SLC35F4: variants seen among roughly 807,000 people sequenced by gnomAD.
SLC35F4 encodes the protein solute carrier family 35 member F4, also known as chromosome 14 open reading frame 36.
SLC35F4 carries 24 observed loss-of-function variants against 44.2 expected under a neutral mutation model. The observed-to-expected ratio is 0.54, with a 90% CI of 0.39 to 0.76. The LOEUF is 0.76. SLC35F4 is among the 30% of genes least tolerant of loss of function. The pLI, the probability that SLC35F4 is intolerant of heterozygous loss-of-function variation, is 0.00. For synonymous variants in SLC35F4, 238 were observed against 223.6 expected, an observed-to-expected ratio of 1.06 and a Z score of -0.57; for missense variants, 562 against 586.1, an observed-to-expected ratio of 0.96 and a Z score of 0.42.
chr14:57,875,363 T>C (rs777019318), intron 1 of SLC35F4, among the ~76,000 whole-genome samples: 2 of 152,200 alleles, frequency 1.3e-5, no homozygotes, highest in Non-Finnish European at 2.9e-5. Context: ...AACGTCAAAA[T>C]AGTAGTGTTA....
chr14:57,864,805 G>A (rs946690811), intron 1 of SLC35F4, among the ~76,000 whole-genome samples: 21 of 152,126 alleles, frequency 1.4e-4, no homozygotes, highest in African/African-American at 4.6e-4. Context: ...AAACTAAACC[G>A]CAGCTACTCC....
chr14:57,693,647 G>T (rs138819418), intron 1 of SLC35F4, among the ~76,000 whole-genome samples: 1 of 152,174 alleles, frequency 6.6e-6, no homozygotes, highest in South Asian at 2.1e-4. Context: ...CAATAAATAC[G>T]TGGGCAAATC....
chr14:57,648,810 C>T (rs1292820002), intron 1 of SLC35F4, among the ~76,000 whole-genome samples: 1 of 152,218 alleles, frequency 6.6e-6, no homozygotes, highest in Non-Finnish European at 1.5e-5. Flanking sequence ...CTCACATTAG[C>T]TGTCAGATAA....
intron 1 of SLC35F4, among the ~76,000 whole-genome samples, chr14:57,964,123 G>A (rs1890390234): frequency 6.6e-6 from 1 of 152,114 alleles, no homozygotes; most frequent in African/African-American, 2.4e-5. Flanking sequence ...TTTACTCAGA[G>A]GATAAATCAC....
At chr14:57,883,176 C>A (rs567678613) in intron 1 of SLC35F4, among the ~76,000 whole-genome samples, 1 of 152,092 alleles carries the variant, frequency 6.6e-6, no homozygotes, top group African/African-American at 2.4e-5. Flanking sequence ...ATAGATGAGG[C>A]CAACCCCCCA....
At position 57,611,778 on chromosome 14, in the gene SLC35F4, G is replaced by C. The variant is rs554211498; in HGVS notation, c.104-17654C>G. ...AAGAGGAATGGAGGCAGGGGTTTGA[G>C]AAACTGAAAGGTAGATAACATCAAA... is the stretch of plus-strand genomic sequence containing the variant. On this transcript the variant is annotated intron_variant, in intron 1 of 7. Coordinates refer to ENST00000556826, the MANE Select transcript of SLC35F4 (RefSeq NM_001306087.2). 1.8e-3 allele frequency among the ~76,000 whole-genome samples: 268 copies of C among 152,230 alleles called. 6 individuals are homozygous for C. In the South Asian group the frequency reaches 0.054, roughly 31 times the overall value.
intron 1 of SLC35F4, among the ~76,000 whole-genome samples, chr14:57,642,030 C>G (rs529351687): frequency 6.6e-6 from 1 of 152,092 alleles, no homozygotes; most frequent in South Asian, 2.1e-4. Context: ...AATACATACT[C>G]TTATTTCTAG....
intron 1 of SLC35F4, among the ~76,000 whole-genome samples, chr14:57,882,194 G>T (rs1595266019): frequency 6.6e-6 from 1 of 152,212 alleles, no homozygotes; most frequent in South Asian, 2.1e-4. Context: ...CTTCCCCCTG[G>T]AGAAACTACA....
At chr14:57,933,542 A>C (rs1889740264) in intron 1 of SLC35F4, among the ~76,000 whole-genome samples, 1 of 152,192 alleles carries the variant, frequency 6.6e-6, no homozygotes, top group African/African-American at 2.4e-5. Context: ...AAGAGGAAAT[A>C]AGAGGACAAA....
intron 1 of SLC35F4, among the ~76,000 whole-genome samples, chr14:57,947,255 T>TG (rs1372751603): frequency 6.6e-6 from 1 of 151,578 alleles, no homozygotes; most frequent in Non-Finnish European, 1.5e-5. Context: ...TTTTTTGTTT[T>TG]TTTTTTTTTG....
chr14:57,697,343 A>G (rs960389479), intron 1 of SLC35F4, among the ~76,000 whole-genome samples: 3 of 152,110 alleles, frequency 2.0e-5, no homozygotes, highest in Admixed American at 1.3e-4. Context: ...ATAATTTTAA[A>G]CAAATTTTTA....
At chr14:57,975,453 A>T (rs1344193110), downstream of SLC35F4, among the ~76,000 whole-genome samples, 3 of 152,176 alleles carry the variant, frequency 2.0e-5, no homozygotes, top group Admixed American at 2.0e-4. Flanking sequence ...AGCTCACACA[A>T]TGCTTTTGTA....
chr14:57,673,563 T>G (rs919723406), intron 1 of SLC35F4, among the ~76,000 whole-genome samples: 5 of 151,994 alleles, frequency 3.3e-5, no homozygotes, highest in African/African-American at 1.2e-4. Context: ...AGAAACTGCC[T>G]CATCAGGGCA....
At chr14:57,746,941 C>A (rs934623147) in intron 1 of SLC35F4, among the ~76,000 whole-genome samples, 1 of 152,134 alleles carries the variant, frequency 6.6e-6, no homozygotes, top group Non-Finnish European at 1.5e-5. Flanking sequence ...TGGCCATCTA[C>A]CTGCCATCTC....
At chr14:57,831,743 T>A (rs1313123134) in intron 1 of SLC35F4, among the ~76,000 whole-genome samples, 5 of 152,128 alleles carry the variant, frequency 3.3e-5, no homozygotes, top group African/African-American at 1.2e-4. Context: ...TATTTGTGGG[T>A]CCAATAACAC....
At chr14:57,862,071 A>AC (rs977690530) in intron 1 of SLC35F4, among the ~76,000 whole-genome samples, 3 of 150,852 alleles carry the variant, frequency 2.0e-5, no homozygotes, top group Non-Finnish European at 4.4e-5. Context: ...CTGACAATCC[A>AC]CCCCCCACCC....
At chr14:57,812,324 G>A (rs1026713857) in intron 1 of SLC35F4, among the ~76,000 whole-genome samples, 2 of 152,066 alleles carry the variant, frequency 1.3e-5, no homozygotes, top group African/African-American at 4.8e-5. Context: ...CTTACATGAG[G>A]CCACTCGGTA....
intron 1 of SLC35F4, among the ~76,000 whole-genome samples, chr14:57,944,640 AAAG>A (rs1370230171): frequency 3.3e-5 from 5 of 151,634 alleles, no homozygotes; most frequent in Non-Finnish European, 4.4e-5. Context: ...AGAAAAAAGA[AAAG>A]AGGCAGGAAG....
intron 1 of SLC35F4, among the ~76,000 whole-genome samples, chr14:57,913,411 C>T (rs1889254503): frequency 6.6e-6 from 1 of 151,824 alleles, no homozygotes; most frequent in African/African-American, 2.4e-5. Context: ...TATTTTATTT[C>T]CGCCCCTTTC....
Sources: allele counts gnomAD v4.1 joint callset (sites outside exome capture counted in the v4.1 genomes callset), GRCh38; gene constraint gnomAD v4.1.1; transcripts MANE v1.5; gene names NCBI Gene and HGNC (gene_info 2026-07-23, HGNC 2026-07-21).